Variants in KRTAP10-7 observed in about 807,000 individuals in gnomAD.
KRTAP10-7 encodes keratin associated protein 10-7, also known as keratin-associated protein 10-7.
For synonymous variants in KRTAP10-7, 162 were observed against 199.6 expected, an observed-to-expected ratio of 0.81 and a Z score of 1.59; for missense variants, 394 against 474.3, an observed-to-expected ratio of 0.83 and a Z score of 1.57.
chr21:44,601,771 A>T lies in KRTAP10-7; in HGVS notation c.*37A>T. On this transcript the variant is annotated 3_prime_UTR_variant, in exon 1 of 1. Transcript: ENST00000609664. ...AAGATCATCCAAAGCCTGAGTGCTC[A>T]CTGCCACCTGCACCCCTGGATTCTT... 1 of 1,581,986 alleles carries T rather than the reference A, an allele frequency of 6.3e-7. No individual in the cohort carries two copies. The highest frequency in any genetic ancestry group is 8.6e-7 in the Non-Finnish European group (1 of 1,161,546).
In KRTAP10-7 at chr21:44,601,598, C is replaced by T. The variant is rs1555928846; in HGVS notation, c.977C>T (p.Pro326Leu). The change falls in exon 1 of 1, where the codon CCC (proline) becomes CTC (leucine). Residue 326 changes from proline to leucine, a missense_variant. Transcript: ENST00000609664. ...VCRPACCVPV[P>L]SCCAPTSSCQ... ...AGGCCCGCCTGCTGCGTGCCCGTCC[C>T]CTCCTGCTGCGCCCCCACCTCCTCC... The T allele has an allele frequency of 6.2e-7, 1 of 1,613,650 alleles. No individual in the cohort carries two copies. The highest frequency in any genetic ancestry group is 8.5e-7 in the Non-Finnish European group (1 of 1,179,768).
In KRTAP10-7 at chr21:44,602,038, A is replaced by C; in HGVS notation, c.*304A>C. On this transcript the variant is annotated 3_prime_UTR_variant, in exon 1 of 1. Coordinates refer to ENST00000609664, the MANE Select transcript of KRTAP10-7 (RefSeq NM_198689.3). ...GAGAAATGAGGGTAGACAGGTACCA[A>C]CTGGGTTTCTCGTCACTGTCCCAGC... 8.2e-6 allele frequency: 4 copies of C among 486,442 alleles called. No individual in the cohort carries two copies. The highest frequency in any genetic ancestry group is 2.8e-5 in the South Asian group (1 of 35,220). 30.1% of individuals were successfully genotyped at this position (486,442 alleles called of 1,614,324 possible). A position where few individuals can be genotyped will look rare whatever the true frequency, so the allele number is the denominator to read the frequency against.
rs782544564 is a variant in KRTAP10-7 at position 44,601,694 on chromosome 21, C to A, written c.1073C>A (p.Ala358Asp). 1.2e-6 allele frequency: 2 copies of A among 1,612,284 alleles called. No homozygotes were observed. The highest frequency in any genetic ancestry group is 1.7e-6 in the Non-Finnish European group (2 of 1,178,908). ...TGCCGCCCCGCATGCTCCCGCCCGGCCTGCTGTGGCCCCACCTCAACCCAG... is the reference window on the plus strand; with the variant it reads ...TGCCGCCCCGCATGCTCCCGCCCGGACTGCTGTGGCCCCACCTCAACCCAG... ...LLCRPACSRP[A>D]CCGPTSTQKS... The change falls in exon 1 of 1, where the codon GCC becomes GAC. Residue 358 changes from alanine to aspartate, a missense_variant. Coordinates refer to ENST00000609664, the MANE Select transcript of KRTAP10-7 (RefSeq NM_198689.3).
In KRTAP10-7 at chr21:44,601,614, C is replaced by T. The variant is rs1980923665; in HGVS notation, c.993C>T (p.Pro331=). The T allele has an allele frequency of 6.2e-7, 1 of 1,613,634 alleles. No individual in the cohort carries two copies. Among genetic ancestry groups the T allele is most frequent in the African/African-American group, 1.3e-5 (1 of 75,012 alleles). Residue 331 remains proline, a synonymous_variant, in exon 1 of 1, where the codon CCC becomes CCT. Coordinates refer to ENST00000609664, the MANE Select transcript of KRTAP10-7 (RefSeq NM_198689.3). ...TGCCCGTCCCCTCCTGCTGCGCCCC[C>T]ACCTCCTCCTGCCAGGCCAGCTGCT... is the stretch of plus-strand genomic sequence containing the variant. ...CCVPVPSCCA[P]TSSCQASCCR...
chr21:44,600,602 C>A lies in KRTAP10-7; in HGVS notation c.-20C>A. The A allele has an allele frequency of 6.2e-7, 1 of 1,605,996 alleles. No homozygotes were observed. Among genetic ancestry groups the A allele is most frequent in the Non-Finnish European group, 8.5e-7 (1 of 1,175,560 alleles). On this transcript the variant is annotated 5_prime_UTR_variant, in exon 1 of 1. Coordinates refer to ENST00000609664, the MANE Select transcript of KRTAP10-7 (RefSeq NM_198689.3). ...CTCACTCACCCACTCACTCCCATCT[C>A]CTCCAGTTCAATCCCCAGCATGGCT...
chr21:44,601,599 C>T lies in KRTAP10-7; in HGVS notation c.978C>T (p.Pro326=), dbSNP rs782727458. ...VCRPACCVPV[P]SCCAPTSSCQ... ...GGCCCGCCTGCTGCGTGCCCGTCCC[C>T]TCCTGCTGCGCCCCCACCTCCTCCT... Residue 326 remains proline, a synonymous_variant, in exon 1 of 1, where the codon CCC becomes CCT. Transcript: ENST00000609664. 24 of 1,613,560 alleles carry T rather than the reference C, an allele frequency of 1.5e-5. 1 individual carries two copies. In the African/African-American group the frequency reaches 1.9e-4, roughly 13 times the overall value.
the KRTAP10-7 span, chr21:44,601,059 C>A: frequency 6.2e-7 from 1 of 1,611,080 alleles, no homozygotes; most frequent in African/African-American, 1.4e-5. Flanking sequence ...CAGCTTGCTG[C>A]ACCTCCTCCC....
Position 44,600,943 on chromosome 21 carries a change from G to T in KRTAP10-7, c.322G>T (p.Ala108Ser), listed in dbSNP as rs1199344067. 3.7e-6 allele frequency: 6 copies of T among 1,612,012 alleles called. No homozygotes were observed. The Admixed American group carries it at 5.0e-5, about 13-fold the overall frequency. ...ACCASSPCQQ[A>S]CCVPVCCKTV... is the part of the protein sequence containing the mutation. ...CTGTGCCTCCTCCCCCTGCCAGCAG[G>T]CCTGCTGCGTGCCCGTCTGCTGCAA... is the stretch of plus-strand genomic sequence containing the variant. The change falls in exon 1 of 1, where the codon GCC becomes TCC. Residue 108 changes from alanine to serine, a missense_variant. Ala to Ser is a moderately conservative substitution (Grantham distance 99). Transcript: ENST00000609664.
Position 44,601,694 on chromosome 21 carries a change from C to G in KRTAP10-7, c.1073C>G (p.Ala358Gly), listed in dbSNP as rs782544564. 4.3e-6 allele frequency: 7 copies of G among 1,612,166 alleles called. No homozygotes were observed. The highest frequency in any genetic ancestry group is 5.1e-6 in the Non-Finnish European group (6 of 1,178,916). Residue 358 changes from alanine (A) to glycine (G), a missense_variant, in exon 1 of 1, where the codon GCC becomes GGC. Coordinates refer to ENST00000609664, the MANE Select transcript of KRTAP10-7 (RefSeq NM_198689.3). ...LLCRPACSRP[A>G]CCGPTSTQKS... ...TGCCGCCCCGCATGCTCCCGCCCGG[C>G]CTGCTGTGGCCCCACCTCAACCCAG...
At position 44,601,088 on chromosome 21, in the gene KRTAP10-7, G is replaced by T. The variant is rs587595404; in HGVS notation, c.467G>T (p.Cys156Phe). The change falls in exon 1 of 1, where the codon TGT becomes TTT. Residue 156 changes from cysteine (C) to phenylalanine (F), a missense_variant. Physicochemically the swap from Cys to Phe is radical, Grantham distance 205 (BLOSUM62 -2). Transcript: ENST00000609664. The part of the protein sequence containing the change: ...CTSSPCQQAC[C>F]VPICCKPVCS... Reference sequence around the variant, plus strand: ...TCCTCCCCCTGCCAGCAGGCCTGCTGTGTGCCCATCTGCTGCAAGCCTGTC... The same window carrying T: ...TCCTCCCCCTGCCAGCAGGCCTGCTTTGTGCCCATCTGCTGCAAGCCTGTC... 1 of 1,609,724 alleles carries T rather than the reference G, an allele frequency of 6.2e-7. No individual in the cohort carries two copies. The highest frequency in any genetic ancestry group is 2.3e-5 in the East Asian group (1 of 44,206).
Position 44,601,546 on chromosome 21 carries a change from G to A in KRTAP10-7, c.925G>A (p.Val309Met), listed in dbSNP as rs1453511557. 8 of 1,613,370 alleles carry A rather than the reference G, an allele frequency of 5.0e-6. No homozygotes were observed. Among genetic ancestry groups the A allele is most frequent in the African/African-American group, 2.7e-5 (2 of 74,746 alleles). The change falls in exon 1 of 1, where the codon GTG (valine) becomes ATG (methionine). Residue 309 changes from valine (V) to methionine (M), a missense_variant. Physicochemically the swap from Val to Met is conservative, Grantham distance 21 (BLOSUM62 1). Coordinates refer to ENST00000609664, the MANE Select transcript of KRTAP10-7 (RefSeq NM_198689.3). ...TTSCCRPSSS[V>M]SLLCRPVCRP... ...CTCCTGCTGCAGACCCTCCTCCTCC[G>A]TGTCCCTCCTCTGCCGCCCCGTGTG...
At position 44,601,048 on chromosome 21, in the gene KRTAP10-7, T is replaced by G; in HGVS notation, c.427T>G (p.Ser143Ala). Residue 143 changes from serine to alanine, a missense_variant, in exon 1 of 1, where the codon TCA becomes GCA. Ser to Ala is a moderately conservative substitution (Grantham distance 99). Coordinates refer to ENST00000609664, the MANE Select transcript of KRTAP10-7 (RefSeq NM_198689.3). ...ATGCTGCCAGCAGTCTAGCTGCCAG[T>G]CAGCTTGCTGCACCTCCTCCCCCTG... Reference protein sequence around the residue: ...SSCCQQSSCQSACCTSSPCQQ... With the variant: ...SSCCQQSSCQAACCTSSPCQQ... The G allele has an allele frequency of 6.2e-7, 1 of 1,603,584 alleles. No homozygotes were observed. The highest frequency in any genetic ancestry group is 8.5e-7 in the Non-Finnish European group (1 of 1,177,602).
In KRTAP10-7 at chr21:44,600,848, C is replaced by A; in HGVS notation, c.227C>A (p.Pro76His). 1 of 1,609,414 alleles carries A rather than the reference C, an allele frequency of 6.2e-7. No homozygotes were observed. ...TGCCGAGTGACCTGTGAGCCCAGCC[C>A]CTGCCAATCAGGCTGCACCAGCTCC... Reference protein sequence around the residue: ...PCCRVTCEPSPCQSGCTSSCT... With the variant: ...PCCRVTCEPSHCQSGCTSSCT... Residue 76 changes from proline (P) to histidine (H), a missense_variant, in exon 1 of 1, where the codon CCC becomes CAC. Pro to His is a moderately conservative substitution (Grantham distance 77). Coordinates refer to ENST00000609664, the MANE Select transcript of KRTAP10-7 (RefSeq NM_198689.3).
chr21:44,601,203 C>A lies in KRTAP10-7; in HGVS notation c.582C>A (p.Ser194Arg). The change falls in exon 1 of 1, where the codon AGC becomes AGA. Residue 194 changes from serine to arginine, a missense_variant. Coordinates refer to ENST00000609664, the MANE Select transcript of KRTAP10-7 (RefSeq NM_198689.3). ...SPCCQAVCEP[S>R]PCQSGCISSC... ...GCTGCCAGGCGGTCTGTGAGCCCAG[C>A]CCCTGCCAATCAGGCTGCATCAGCT... 1 of 1,602,474 alleles carries A rather than the reference C, an allele frequency of 6.2e-7. No homozygotes were observed. The highest frequency in any genetic ancestry group is 1.7e-5 in the Admixed American group (1 of 57,902).
At position 44,601,917 on chromosome 21, in the gene KRTAP10-7, C is replaced by G. The variant is rs782704148; in HGVS notation, c.*183C>G. 3 of 912,226 alleles carry G rather than the reference C, an allele frequency of 3.3e-6. No homozygotes were observed. The highest frequency in any genetic ancestry group is 4.9e-6 in the Non-Finnish European group (3 of 610,526). 56.5% of individuals were successfully genotyped at this position (912,226 alleles called of 1,614,324 possible). On this transcript the variant is annotated 3_prime_UTR_variant, in exon 1 of 1. Transcript: ENST00000609664. ...GCTCAGCTGTTTCTCCAAGTCTTGA[C>G]TTTCCCCCAATTACCCAGCCCTGCT...
chr21:44,601,966 A>G lies in KRTAP10-7; in HGVS notation c.*232A>G. 1.5e-6 allele frequency: 1 copy of G among 660,544 alleles called. No individual in the cohort carries two copies. Among genetic ancestry groups the G allele is most frequent in the Non-Finnish European group, 2.6e-6 (1 of 384,704 alleles). The allele number at this position is 660,544 out of a possible 1,614,324, so 40.9% of individuals were successfully genotyped here. A position where few individuals can be genotyped will look rare whatever the true frequency, so the allele number is the denominator to read the frequency against. On this transcript the variant is annotated 3_prime_UTR_variant, in exon 1 of 1. Coordinates refer to ENST00000609664, the MANE Select transcript of KRTAP10-7 (RefSeq NM_198689.3). ...CTTCCCCAGCAACAGGTGGGCAGTG[A>G]CCCCAGCAAGGCCAGCGGGTGCTCC...
Position 44,601,082 on chromosome 21 carries a change from C to G in KRTAP10-7, c.461C>G (p.Ala154Gly), listed in dbSNP as rs1555928571. Residue 154 changes from alanine (A) to glycine (G), a missense_variant, in exon 1 of 1, where the codon GCC (alanine) becomes GGC (glycine). Transcript: ENST00000609664. Reference protein sequence around the residue: ...ACCTSSPCQQACCVPICCKPV... With the variant: ...ACCTSSPCQQGCCVPICCKPV... ...TGCACCTCCTCCCCCTGCCAGCAGG[C>G]CTGCTGTGTGCCCATCTGCTGCAAG... 3 of 1,609,006 alleles carry G rather than the reference C, an allele frequency of 1.9e-6. No individual in the cohort carries two copies. The highest frequency in any genetic ancestry group is 4.5e-5 in the East Asian group (2 of 44,186).
In KRTAP10-7 at chr21:44,600,630, G is replaced by C; in HGVS notation, c.9G>C (p.Ala3=). Reference sequence around the variant, plus strand: ...CCAGTTCAATCCCCAGCATGGCTGCGTCCACTATGTCTGTCTGCTCCAGCG... The same window carrying C: ...CCAGTTCAATCCCCAGCATGGCTGCCTCCACTATGTCTGTCTGCTCCAGCG... MA[A]STMSVCSSDL... Residue 3 remains alanine (A), a synonymous_variant, in exon 1 of 1, where the codon GCG becomes GCC. Transcript: ENST00000609664. The C allele has an allele frequency of 6.2e-7, 1 of 1,612,702 alleles. No homozygotes were observed. The highest frequency in any genetic ancestry group is 1.1e-5 in the South Asian group (1 of 90,912).
chr21:44,600,704 G>A lies in KRTAP10-7; in HGVS notation c.83G>A (p.Cys28Tyr), dbSNP rs782348234. 2 of 1,613,438 alleles carry A rather than the reference G, an allele frequency of 1.2e-6. No homozygotes were observed. The highest frequency in any genetic ancestry group is 1.7e-6 in the Non-Finnish European group (2 of 1,179,952). The change falls in exon 1 of 1, where the codon TGC becomes TAC. Residue 28 changes from cysteine (C) to tyrosine (Y), a missense_variant. Coordinates refer to ENST00000609664, the MANE Select transcript of KRTAP10-7 (RefSeq NM_198689.3). ...TGCCTTCCTGGTTCCTGTGACTCTT[G>A]CTCCGACTCCTGGCAGGTGGACGAC... is the stretch of plus-strand genomic sequence containing the variant. The part of the protein sequence containing the change: ...RVCLPGSCDS[C>Y]SDSWQVDDCP...
Sources: allele counts gnomAD v4.1 joint callset, GRCh38; gene constraint gnomAD v4.1.1; transcripts MANE v1.5; gene names NCBI Gene and HGNC (gene_info 2026-07-23, HGNC 2026-07-21).